GABRA4: variants seen among roughly 807,000 people sequenced by gnomAD.
The protein encoded by GABRA4 is gamma-aminobutyric acid type A receptor subunit alpha4, also known as gamma-aminobutyric acid receptor subunit alpha-4.
A neutral mutation model predicts 49.7 loss-of-function variants in GABRA4; 12 were observed. The observed-to-expected ratio is 0.24, with a 90% confidence interval of 0.15 to 0.39. The LOEUF is 0.39. Ranked by LOEUF, GABRA4 falls within the 10% of genes least tolerant of loss-of-function variation. The pLI is 1.00. For synonymous variants in GABRA4, 288 were observed against 240.2 expected, an observed-to-expected ratio of 1.20 and a Z score of -1.84; for missense variants, 506 against 686.0, an observed-to-expected ratio of 0.74 and a Z score of 2.93.
At chr4:46,953,380 G>T (rs1722238529) in intron 8 of GABRA4, among the ~76,000 whole-genome samples, 1 of 151,684 alleles carries the variant, frequency 6.6e-6, no homozygotes, top group African/African-American at 2.4e-5. Flanking sequence ...AGTATTTCAG[G>T]GCAAAAACTA....
rs1218356063 is a variant in GABRA4, at chr4:46,993,346, C to G, written c.79G>C (p.Ala27Pro). Residue 27 changes from alanine (A) to proline (P), a missense_variant, in exon 1 of 9, where the codon GCG becomes CCG. Physicochemically the swap from Ala to Pro is conservative, Grantham distance 27. Transcript: ENST00000264318. ...SFALLRFLCL[A>P]VCLNESPGQN... The stretch of plus-strand genomic sequence containing the variant: ...GCACCCCAGAGAACTCACCAAACCG[C>G]CAGGCACAGGAAGCGCAGGAGGGCG... 6.2e-7 allele frequency: 1 copy of G among 1,614,190 alleles called. No individual in the cohort carries two copies. Among genetic ancestry groups the G allele is most frequent in the Non-Finnish European group, 8.5e-7 (1 of 1,179,996 alleles).
chr4:46,934,707 C>T (rs1328839546), intron 8 of GABRA4, among the ~76,000 whole-genome samples: 1 of 152,138 alleles, frequency 6.6e-6, no homozygotes, highest in Non-Finnish European at 1.5e-5. Flanking sequence ...GGGTTTAAAA[C>T]ATTAGAATTT....
At chr4:46,945,268 G>T (rs1025947287) in intron 8 of GABRA4, among the ~76,000 whole-genome samples, 5 of 152,198 alleles carry the variant, frequency 3.3e-5, no homozygotes, top group Admixed American at 2.0e-4. Context: ...ACATCTGCCT[G>T]TTGAAAAGTA....
chr4:46,973,807 G>T (rs1384662057), intron 6 of GABRA4, among the ~76,000 whole-genome samples: 1 of 151,442 alleles, frequency 6.6e-6, no homozygotes, highest in Non-Finnish European at 1.5e-5. Flanking sequence ...TTAGATTTTT[G>T]TTTACTTTCA....
Position 46,928,771 on chromosome 4 carries a change from A to G in GABRA4, c.1135-16T>C. ...CATTTGTATTCTGAAAAGGTATATG[A>G]AAAAATATATTGGTTATGTAACTTT... On this transcript the variant is annotated splice_polypyrimidine_tract_variant and intron_variant, in intron 8 of 8. Transcript: ENST00000264318. 5 of 1,547,560 alleles carry G rather than the reference A, an allele frequency of 3.2e-6. No individual in the cohort carries two copies. Among genetic ancestry groups the G allele is most frequent in the Non-Finnish European group, 4.4e-6 (5 of 1,129,274 alleles).
chr4:46,985,350 G>A lies in GABRA4; in HGVS notation c.206-6252C>T, dbSNP rs1723494813. Reference sequence around the variant, plus strand: ...GAGACCACATAGCAGAATAAGAGTTGTCCAAGTCCTACACTTTGTGCTGGT... The same window carrying A: ...GAGACCACATAGCAGAATAAGAGTTATCCAAGTCCTACACTTTGTGCTGGT... On this transcript the variant is annotated intron_variant, in intron 2 of 8. Transcript: ENST00000264318. 3.3e-5 allele frequency among the ~76,000 whole-genome samples: 5 copies of A among 151,960 alleles called. No homozygotes were observed. In the South Asian group the frequency reaches 1.0e-3, roughly 32 times the overall value.
Position 46,977,252 on chromosome 4 carries a change from G to A in GABRA4, c.495-109C>T, listed in dbSNP as rs1420149885. 16 of 458,490 alleles carry A rather than the reference G, an allele frequency of 3.5e-5. No individual in the cohort carries two copies. In the East Asian group the frequency reaches 1.0e-3, roughly 29 times the overall value. The allele number at this position is 458,490 out of a possible 1,614,324, so 28.4% of individuals were successfully genotyped here. ...GGGAAGGAGGAAGGAAGAAGGGAGG[G>A]AAGAAAAGGAAGGAAGGAAGGGAAG... On this transcript the variant is annotated intron_variant, in intron 4 of 8. Transcript: ENST00000264318.
At chr4:46,933,218 A>G (rs1381152320) in intron 8 of GABRA4, among the ~76,000 whole-genome samples, 1 of 152,202 alleles carries the variant, frequency 6.6e-6, no homozygotes, top group Admixed American at 6.6e-5. Context: ...TTGTAGATTA[A>G]TGCACACAGT....
rs1224484691 is a variant in GABRA4 at position 46,923,393 on chromosome 4, T to G, written c.*4832A>C. On this transcript the variant is annotated 3_prime_UTR_variant, in exon 9 of 9. Coordinates refer to ENST00000264318, the MANE Select transcript of GABRA4 (RefSeq NM_000809.4). ...TTTAATGGCAGCATGTATGTCATATTGGCTTCTACATTTATAAAACTCTGT... is the reference window on the plus strand; with the variant it reads ...TTTAATGGCAGCATGTATGTCATATGGGCTTCTACATTTATAAAACTCTGT... 3.9e-5 allele frequency: 6 copies of G among 152,150 alleles called. No individual in the cohort carries two copies. Among genetic ancestry groups the G allele is most frequent in the Admixed American group, 2.6e-4 (4 of 15,258 alleles). The allele number at this position is 152,150 out of a possible 1,614,324, so 9.4% of individuals were successfully genotyped here. A position where few individuals can be genotyped will look rare whatever the true frequency, so the allele number is the denominator to read the frequency against.
chr4:46,957,658 G>A (rs573964458), intron 8 of GABRA4, among the ~76,000 whole-genome samples: 15 of 152,022 alleles, frequency 9.9e-5, no homozygotes, highest in African/African-American at 3.1e-4. Flanking sequence ...CCCTATCCTA[G>A]TGATTGATGC....
intron 7 of GABRA4, 70 bp downstream of exon 7, chr4:46,971,013 A>G: frequency 6.9e-7 from 1 of 1,438,988 alleles, no homozygotes; most frequent in Non-Finnish European, 9.5e-7. Context: ...AGATTTTCTT[A>G]GAAATATCCC....
chr4:46,956,527 C>A (rs777911464), intron 8 of GABRA4, among the ~76,000 whole-genome samples: 6 of 151,864 alleles, frequency 4.0e-5, no homozygotes, highest in Non-Finnish European at 7.4e-5. Flanking sequence ...CAGCTGTTTG[C>A]GTAGATTTGC....
chr4:46,974,030 C>G (rs758057719), intron 6 of GABRA4, among the ~76,000 whole-genome samples: 4 of 151,812 alleles, frequency 2.6e-5, no homozygotes, highest in Non-Finnish European at 5.9e-5. Flanking sequence ...CTTTTAGCAT[C>G]TTACTAAATC....
At chr4:46,949,517 A>G (rs1220253399) in intron 8 of GABRA4, among the ~76,000 whole-genome samples, 1 of 152,108 alleles carries the variant, frequency 6.6e-6, no homozygotes, top group East Asian at 1.9e-4. Flanking sequence ...TAGGGACAAA[A>G]TCAAACTATC....
chr4:46,951,490 C>A (rs1024931177), intron 8 of GABRA4, among the ~76,000 whole-genome samples: 1 of 151,652 alleles, frequency 6.6e-6, no homozygotes, highest in East Asian at 1.9e-4. Context: ...TAGCTTGTTA[C>A]GCTGGAGATA....
At chr4:46,981,469 T>C (rs1358559633) in intron 2 of GABRA4, among the ~76,000 whole-genome samples, 2 of 152,178 alleles carry the variant, frequency 1.3e-5, no homozygotes, top group African/African-American at 4.8e-5. Flanking sequence ...ATTCAGTATT[T>C]GCCTTATATG....
intron 5 of GABRA4, among the ~76,000 whole-genome samples, chr4:46,976,630 G>T (rs544611154): frequency 6.6e-6 from 1 of 151,756 alleles, no homozygotes; most frequent in South Asian, 2.1e-4. Flanking sequence ...TTCCAAGTTA[G>T]CTATGAAGGA....
At chr4:46,992,629 T>A in intron 2 of GABRA4, 199 bp downstream of exon 2, 1 of 581,910 alleles carries the variant, frequency 1.7e-6, no homozygotes. Context: ...GCAAAGCTTC[T>A]GAGGGGGCAG....
At chr4:46,929,233 C>T (rs1275170945) in intron 8 of GABRA4, among the ~76,000 whole-genome samples, 2 of 151,878 alleles carry the variant, frequency 1.3e-5, no homozygotes, top group Admixed American at 6.6e-5. Context: ...ACTATCCATA[C>T]GTACCTAACA....
Sources: gnomAD v4.1 joint callset for allele counts (sites outside exome capture counted in the v4.1 genomes callset) on GRCh38, gnomAD v4.1.1 for gene constraint, MANE v1.5 for transcripts, NCBI Gene and HGNC (gene_info 2026-07-23, HGNC 2026-07-21) for gene names.